Variants in RHOQ observed in about 807,000 individuals in gnomAD.
The protein encoded by RHOQ is ras homolog family member Q, also known as rho-related GTP-binding protein RhoQ.
In RHOQ, 7 loss-of-function variants were observed where a neutral mutation model predicts 25.8. The observed-to-expected ratio is 0.27, with a 90% CI of 0.15 to 0.51. The LOEUF (loss-of-function observed/expected upper bound fraction) is 0.51, where lower values mean the gene tolerates loss of function less well. Among genes scored for constraint, RHOQ ranks in the 20% least tolerant of loss-of-function variants. The pLI is 0.97. For synonymous variants in RHOQ, 97 were observed against 98.6 expected (o/e 0.98, Z 0.10); for missense variants, 165 against 260.6 (o/e 0.63, Z 2.53).
At chr2:46,544,500 T>C (rs1241327817) in intron 2 of RHOQ, among the ~76,000 whole-genome samples, 1 of 152,134 alleles carries the variant, frequency 6.6e-6, no homozygotes, top group Non-Finnish European at 1.5e-5. Context: ...TTGGGAGAGA[T>C]TAATTGTGCA....
chr2:46,576,576 G>A lies in RHOQ; in HGVS notation c.382G>A (p.Asp128Asn), dbSNP rs1171058997. ...LIGTQIDLRD[D>N]PKTLARLNDM... The stretch of plus-strand genomic sequence containing the variant: ...TCTTAATTAGATTGATCTCCGAGAT[G>A]ACCCCAAAACTTTAGCAAGACTGAA... Residue 128 changes from aspartate to asparagine, a missense_variant, in exon 4 of 5, where the codon GAC (aspartate) becomes AAC (asparagine). Asp to Asn is a conservative substitution (Grantham distance 23). Coordinates refer to ENST00000238738, the MANE Select transcript of RHOQ (RefSeq NM_012249.4). The surrounding 1 kb of genome is among the most constrained non-coding windows in gnomAD (Gnocchi z 5.1). 7 of 1,601,766 alleles carry A rather than the reference G, an allele frequency of 4.4e-6. No individual in the cohort carries two copies. The highest frequency in any genetic ancestry group is 1.7e-5 in the Admixed American group (1 of 58,954).
chr2:46,570,022 A>G (rs183385913), intron 2 of RHOQ, among the ~76,000 whole-genome samples: 1 of 152,348 alleles, frequency 6.6e-6, no homozygotes, highest in South Asian at 2.1e-4. Context: ...AGTGTTTTCA[A>G]AAAGGACCCA....
Position 46,542,760 on chromosome 2 carries a change from AG to A in RHOQ, c.-285del, listed in dbSNP as rs1667860392. The A allele has an allele frequency of 6.9e-6, 1 of 145,476 alleles. No individual in the cohort carries two copies. The highest frequency in any genetic ancestry group is 2.5e-5 in the African/African-American group (1 of 40,180). The allele number at this position is 145,476 out of a possible 1,614,324, so 9.0% of individuals were successfully genotyped here. A position where few individuals can be genotyped will look rare whatever the true frequency, so the allele number is the denominator to read the frequency against. ...TATGATCCGGCGGATCCTCCTGGGG[AG>A]GCCGGGCCGGGGAGAGGGCGCGGGC... On this transcript the variant is annotated 5_prime_UTR_variant, in exon 1 of 5. The change abolishes the stop of an existing upstream ORF in the 5' untranslated region. Transcript: ENST00000238738.
intron 2 of RHOQ, among the ~76,000 whole-genome samples, chr2:46,558,250 A>T (rs1248832799): frequency 1.3e-5 from 2 of 152,088 alleles, no homozygotes; most frequent in African/African-American, 4.8e-5. Context: ...CTTTGCCTCT[A>T]TCTCTTGTAT....
chr2:46,571,361 C>G (rs996277810), intron 2 of RHOQ, among the ~76,000 whole-genome samples: 16 of 152,204 alleles, frequency 1.1e-4, no homozygotes, highest in Non-Finnish European at 1.9e-4. Context: ...TAGGCTGTGG[C>G]TTGGAGGTCT....
At position 46,580,787 on chromosome 2, in the gene RHOQ, T is replaced by A; in HGVS notation, c.463-141T>A. 2 of 574,404 alleles carry A rather than the reference T, an allele frequency of 3.5e-6. 1 individual carries two copies. Among genetic ancestry groups the A allele is most frequent in the Non-Finnish European group, 5.7e-6 (2 of 349,962 alleles). The allele number at this position is 574,404 out of a possible 1,614,324, so 35.6% of individuals were successfully genotyped here. A position where few individuals can be genotyped will look rare whatever the true frequency, so the allele number is the denominator to read the frequency against. On this transcript the variant is annotated intron_variant, in intron 4 of 4. Coordinates refer to ENST00000238738, the MANE Select transcript of RHOQ (RefSeq NM_012249.4). The stretch of plus-strand genomic sequence containing the variant: ...CATATACTAGTATTTTAAAATCCCC[T>A]CTGGGGTTATGAACATGGATGATGA...
At chr2:46,563,950 CCT>C (rs1308191729) in intron 2 of RHOQ, among the ~76,000 whole-genome samples, 5 of 152,076 alleles carry the variant, frequency 3.3e-5, no homozygotes, top group African/African-American at 9.6e-5. Flanking sequence ...ACGCCCAGCC[CCT>C]GTGTGTATTT....
In RHOQ at chr2:46,556,959, A is replaced by C. The variant is rs986405520; in HGVS notation, c.201+13147A>C. Among the ~76,000 whole-genome samples, 2 of 152,204 alleles carry C rather than the reference A, an allele frequency of 1.3e-5. No homozygotes were observed. Among genetic ancestry groups the C allele is most frequent in the Admixed American group, 1.3e-4 (2 of 15,278 alleles). ...CTATAAATGAGGTTGCCAAAGAGTT[A>C]ATCTACCATGTAGCCCCAGTGGAAA... is the stretch of plus-strand genomic sequence containing the variant. On this transcript the variant is annotated intron_variant, in intron 2 of 4. Transcript: ENST00000238738. The surrounding 1 kb of genome is among the most constrained non-coding windows in gnomAD (Gnocchi z 4.9).
At chr2:46,568,507 G>C (rs1668806911) in intron 2 of RHOQ, 1 of 152,166 alleles carries the variant, frequency 6.6e-6, no homozygotes, top group South Asian at 2.1e-4. Context: ...CATCATGGCA[G>C]TTTTACTTCA....
chr2:46,543,698 C>T (rs369637434), intron 1 of RHOQ, 56 bp from the exon 2 acceptor site: 1 of 1,544,372 alleles, frequency 6.5e-7, no homozygotes, highest in Non-Finnish European at 8.9e-7. Flanking sequence ...GCGAAATTGC[C>T]CCAGAGCCCA....
intron 2 of RHOQ, among the ~76,000 whole-genome samples, chr2:46,570,759 C>A (rs1426356586): frequency 6.6e-6 from 1 of 152,234 alleles, no homozygotes; most frequent in Non-Finnish European, 1.5e-5. Context: ...GATATTCTTA[C>A]TTAGTTGTCA....
rs1462973741 is a variant in RHOQ at position 46,555,101 on chromosome 2, C to T, written c.201+11289C>T. Among the ~76,000 whole-genome samples the T allele has an allele frequency of 1.3e-5, 2 of 152,234 alleles. No homozygotes were observed. Among genetic ancestry groups the T allele is most frequent in the Admixed American group, 6.5e-5 (1 of 15,286 alleles). On this transcript the variant is annotated intron_variant, in intron 2 of 4. Coordinates refer to ENST00000238738, the MANE Select transcript of RHOQ (RefSeq NM_012249.4). This position sits in a 1 kb window ranked among gnomAD's most constrained non-coding sequence, Gnocchi z 4.3. ...AGGCAGATGGGGGCTCTGCTTCCTT[C>T]GGACAGGGACTTCGTCCAACAGGCG...
chr2:46,546,517 TACATATATATATATAC>T (rs1668073414), intron 2 of RHOQ, among the ~76,000 whole-genome samples: 8 of 24,210 alleles, frequency 3.3e-4, no homozygotes, highest in African/African-American at 1.1e-3. Context: ...TATATGTATA[TACATATATATATATAC>T]ACAAATCCTT....
At chr2:46,543,306 G>A in intron 1 of RHOQ, 118 bp downstream of exon 1, 2 of 1,161,354 alleles carry the variant, frequency 1.7e-6, no homozygotes, top group Non-Finnish European at 2.4e-6. Context: ...CCCCCGCCGC[G>A]CCCTCTGCCA....
chr2:46,579,364 G>T (rs936029209), intron 4 of RHOQ, among the ~76,000 whole-genome samples: 5 of 152,180 alleles, frequency 3.3e-5, no homozygotes, highest in Non-Finnish European at 4.4e-5. Context: ...TGTCAGTCTT[G>T]TAGCTTGCAC....
At chr2:46,558,023 T>C (rs772385852) in intron 2 of RHOQ, among the ~76,000 whole-genome samples, 7 of 152,242 alleles carry the variant, frequency 4.6e-5, no homozygotes, top group Non-Finnish European at 1.0e-4. Context: ...AGTGAACAAT[T>C]ATCTTGTTGC....
intron 2 of RHOQ, among the ~76,000 whole-genome samples, chr2:46,571,284 A>G (rs1293686208): frequency 2.0e-5 from 3 of 152,176 alleles, no homozygotes; most frequent in Admixed American, 6.5e-5. Context: ...CTCCTCACCT[A>G]TCAGAATTGT....
In RHOQ at chr2:46,583,005, C is replaced by G. The variant is rs557136288; in HGVS notation, c.*1922C>G. ...AACTTTCTTATTTAATTTTGGTCTG[C>G]TTATTTTTAGATAAAATTGAAAGGA... On this transcript the variant is annotated 3_prime_UTR_variant, in exon 5 of 5. Coordinates refer to ENST00000238738, the MANE Select transcript of RHOQ (RefSeq NM_012249.4). 2 of 152,102 alleles carry G rather than the reference C, an allele frequency of 1.3e-5. No homozygotes were observed. The highest frequency in any genetic ancestry group is 2.9e-5 in the Non-Finnish European group (2 of 68,002). The allele number at this position is 152,102 out of a possible 1,614,324, so 9.4% of individuals were successfully genotyped here.
At position 46,566,808 on chromosome 2, in the gene RHOQ, C is replaced by T. The variant is rs1467386542; in HGVS notation, c.202-9279C>T. 1.3e-5 allele frequency among the ~76,000 whole-genome samples: 2 copies of T among 152,146 alleles called. No homozygotes were observed. Among genetic ancestry groups the T allele is most frequent in the East Asian group, 1.9e-4 (1 of 5,180 alleles). Reference sequence around the variant, plus strand: ...TTGTTGTCTGTCTCCTTAAGCGGTCCCTCAGGTCTCAGGTTGAACATCACC... The same window carrying T: ...TTGTTGTCTGTCTCCTTAAGCGGTCTCTCAGGTCTCAGGTTGAACATCACC... On this transcript the variant is annotated intron_variant, in intron 2 of 4. Transcript: ENST00000238738. This position sits in a 1 kb window ranked among gnomAD's most constrained non-coding sequence, Gnocchi z 4.2.
Sources: gnomAD v4.1 joint callset for allele counts (sites outside exome capture counted in the v4.1 genomes callset) on GRCh38, gnomAD v4.1.1 for gene constraint, Gnocchi (gnomAD v3.1) non-coding constraint, MANE v1.5 for transcripts, NCBI Gene and HGNC (gene_info 2026-07-23, HGNC 2026-07-21) for gene names.